PARG: variants seen among roughly 807,000 people sequenced by gnomAD.
The protein encoded by PARG is mitochondrial poly(ADP-ribose) glycohydrolase.
PARG carries 35 observed loss-of-function variants against 113.0 expected under a neutral mutation model. The observed-to-expected ratio is 0.31, with a 90% CI of 0.24 to 0.41. The LOEUF is 0.41. Ranked by LOEUF, PARG falls within the 10% of genes least tolerant of loss-of-function variation. PARG has a pLI of 1.00. For missense variants in PARG, 797 were observed against 1,169.4 expected, an observed-to-expected ratio of 0.68 and a Z score of 4.64; for synonymous variants, 330 against 409.9, an observed-to-expected ratio of 0.81 and a Z score of 2.36.
intron 7 of PARG, among the ~76,000 whole-genome samples, chr10:49,893,223 C>T (rs1435084812): frequency 6.6e-6 from 1 of 152,108 alleles, no homozygotes; most frequent in African/African-American, 2.4e-5. Context: ...GTTGCAACTG[C>T]TCCATATCGC....
At chr10:49,920,588 A>ATG (rs1183668096) in intron 6 of PARG, among the ~76,000 whole-genome samples, 10 of 143,258 alleles carry the variant, frequency 7.0e-5, no homozygotes, top group African/African-American at 2.6e-4. Flanking sequence ...ATATATACAC[A>ATG]TATATACATA....
At chr10:49,820,342 G>C (rs1844010110) in intron 16 of PARG, 49 bp from the exon 17 acceptor site, 1 of 1,413,834 alleles carries the variant, frequency 7.1e-7, no homozygotes. Context: ...TTTCCACCTA[G>C]ATACCTTTAG....
chr10:49,941,748 C>T lies in PARG; in HGVS notation c.-23G>A, dbSNP rs1259064232. The T allele has an allele frequency of 8.9e-5, 139 of 1,554,052 alleles. No individual in the cohort carries two copies. The East Asian group carries it at 1.6e-3, about 18-fold the overall frequency. ...CATGCTGGGACCAGCAGCGCACTGT[C>T]CCCGGGCCGGCCCGGGCGGAGAGCC... On this transcript the variant is annotated 5_prime_UTR_variant, in exon 1 of 18. Transcript: ENST00000616448.
intron 13 of PARG, among the ~76,000 whole-genome samples, chr10:49,844,778 G>A (rs538043059): frequency 2.6e-5 from 4 of 151,858 alleles, no homozygotes; most frequent in African/African-American, 4.8e-5. Flanking sequence ...AAAAACAAAC[G>A]AACAAACAAT....
chr10:49,885,092 C>T lies in PARG; in HGVS notation c.1830+111G>A, dbSNP rs1474283537. ...TTCCTCTCTCTCTCTCTCTCTCTCTCTCTGTCTCTCTGTCTCTCTCTCTCT... is the reference window on the plus strand; with the variant it reads ...TTCCTCTCTCTCTCTCTCTCTCTCTTTCTGTCTCTCTGTCTCTCTCTCTCT... On this transcript the variant is annotated intron_variant, in intron 8 of 17. Coordinates refer to ENST00000616448, the MANE Select transcript of PARG (RefSeq NM_003631.5). 50 of 737,030 alleles carry T rather than the reference C, an allele frequency of 6.8e-5. No individual in the cohort carries two copies. The South Asian group carries it at 7.1e-4, about 10-fold the overall frequency. The allele number at this position is 737,030 out of a possible 1,614,324, so 45.7% of individuals were successfully genotyped here. A position where few individuals can be genotyped will look rare whatever the true frequency, so the allele number is the denominator to read the frequency against.
At chr10:49,857,578 C>A in intron 12 of PARG, 125 bp from the exon 13 acceptor site, 1 of 599,586 alleles carries the variant, frequency 1.7e-6, no homozygotes, top group Non-Finnish European at 3.0e-6. Context: ...AATAAGTAAT[C>A]TTCCCAGGAA....
intron 3 of PARG, among the ~76,000 whole-genome samples, chr10:49,932,909 T>C (rs1241903457): frequency 1.3e-5 from 2 of 152,096 alleles, no homozygotes; most frequent in African/African-American, 4.8e-5. Flanking sequence ...CAACCTAGTA[T>C]TTTCATGTTC....
intron 7 of PARG, among the ~76,000 whole-genome samples, chr10:49,907,087 T>C (rs2664467): frequency 0.28 from 42,723 of 150,560 alleles, 6,286 homozygotes; most frequent in Non-Finnish European, 0.32. Context: ...AGAGCAAGAC[T>C]TCAATACATA....
intron 1 of PARG, among the ~76,000 whole-genome samples, chr10:49,936,653 T>C (rs1270223717): frequency 2.0e-5 from 3 of 152,142 alleles, no homozygotes; most frequent in Non-Finnish European, 4.4e-5. Flanking sequence ...CATTCGCAAA[T>C]GTTTAAGATT....
At chr10:49,856,241 G>A (rs1214618578) in intron 13 of PARG, among the ~76,000 whole-genome samples, 21 of 150,902 alleles carry the variant, frequency 1.4e-4, no homozygotes, top group African/African-American at 2.7e-4. Context: ...GTACAGTGGC[G>A]CGATCTCAGC....
intron 7 of PARG, among the ~76,000 whole-genome samples, chr10:49,906,014 G>A (rs1554844859): frequency 6.7e-6 from 1 of 148,584 alleles, no homozygotes; most frequent in Non-Finnish European, 1.5e-5. Context: ...CAGGAGAGAG[G>A]AAAAGAGGTG....
chr10:49,900,063 C>G (rs1554843553), intron 7 of PARG, among the ~76,000 whole-genome samples: 1 of 150,808 alleles, frequency 6.6e-6, no homozygotes, highest in Non-Finnish European at 1.5e-5. Flanking sequence ...TGTTTCCTCC[C>G]CATCAAGGAT....
At chr10:49,823,976 A>G (rs1844231124) in intron 16 of PARG, among the ~76,000 whole-genome samples, 1 of 152,164 alleles carries the variant, frequency 6.6e-6, no homozygotes, top group Admixed American at 6.6e-5. Context: ...ACTAGTTAGG[A>G]CTGGCAGGCA....
intron 7 of PARG, among the ~76,000 whole-genome samples, chr10:49,903,960 T>C (rs1200248225): frequency 2.6e-5 from 4 of 152,174 alleles, no homozygotes; most frequent in African/African-American, 7.2e-5. Flanking sequence ...AGGGATCAAC[T>C]GCACACAGGG....
chr10:49,841,253 CA>C (rs1282550326), intron 15 of PARG, among the ~76,000 whole-genome samples: 11 of 144,608 alleles, frequency 7.6e-5, no homozygotes, highest in African/African-American at 2.0e-4. Context: ...AACTCCATCT[CA>C]AAAAAAAAGA....
chr10:49,934,344 T>A (rs1281003015), intron 2 of PARG, among the ~76,000 whole-genome samples, 181 bp from the exon 3 acceptor site: 2 of 152,142 alleles, frequency 1.3e-5, no homozygotes, highest in African/African-American at 4.8e-5. Context: ...GCTGTGTGTC[T>A]GGCAAACACC....
intron 7 of PARG, among the ~76,000 whole-genome samples, chr10:49,887,743 T>G (rs1847568166): frequency 6.6e-6 from 1 of 152,196 alleles, no homozygotes; most frequent in African/African-American, 2.4e-5. Flanking sequence ...AGTTTTGTAC[T>G]ATTATAAATA....
intron 13 of PARG, among the ~76,000 whole-genome samples, chr10:49,853,871 T>C (rs1230749736): frequency 2.0e-5 from 3 of 152,184 alleles, no homozygotes; most frequent in African/African-American, 4.8e-5. Flanking sequence ...GAATAACTCA[T>C]TGAAAGCTCC....
chr10:49,935,611 T>C (rs2132988915), intron 1 of PARG, among the ~76,000 whole-genome samples: 1 of 152,246 alleles, frequency 6.6e-6, no homozygotes, highest in African/African-American at 2.4e-5. Flanking sequence ...TTAAAAGAGG[T>C]CCTGATAAAG....
Sources: gnomAD v4.1 joint callset for allele counts (sites outside exome capture counted in the v4.1 genomes callset) on GRCh38, gnomAD v4.1.1 for gene constraint, MANE v1.5 for transcripts, NCBI Gene and HGNC (gene_info 2026-07-23, HGNC 2026-07-21) for gene names.